Variants in UVRAG observed in about 807,000 individuals in gnomAD.
UVRAG encodes UV radiation resistance associated, also known as UV radiation resistance-associated gene protein.
Under a neutral mutation model 78.0 loss-of-function variants are expected in UVRAG, and 19 were observed. That is an observed-to-expected ratio of 0.24 (90% CI 0.17 to 0.36). The LOEUF is 0.36. Among genes scored for constraint, UVRAG ranks in the 10% least tolerant of loss-of-function variants. The pLI is 1.00. For synonymous variants in UVRAG, 323 were observed against 324.6 expected, an observed-to-expected ratio of 1.00 and a Z score of 0.05; for missense variants, 740 against 853.8, an observed-to-expected ratio of 0.87 and a Z score of 1.66.
At chr11:75,871,761 T>C (rs1240169751) in intron 3 of UVRAG, among the ~76,000 whole-genome samples, 1 of 152,250 alleles carries the variant, frequency 6.6e-6, no homozygotes, top group African/African-American at 2.4e-5. Context: ...TTAGTAGATA[T>C]TGCCAAATAA....
At chr11:75,905,673 GACAC>G (rs111491597) in intron 5 of UVRAG, among the ~76,000 whole-genome samples, 1 of 151,770 alleles carries the variant, frequency 6.6e-6, no homozygotes, top group African/African-American at 2.4e-5. Context: ...CACACACAGA[GACAC>G]ACACACACAC....
intron 13 of UVRAG, among the ~76,000 whole-genome samples, chr11:76,092,245 C>A (rs535128420): frequency 1.2e-4 from 19 of 152,282 alleles, no homozygotes; most frequent in African/African-American, 4.3e-4. Context: ...CATTGATGGA[C>A]ATTTGGGTTG....
At chr11:76,120,125 G>T (rs571666977) in intron 14 of UVRAG, among the ~76,000 whole-genome samples, 1 of 152,164 alleles carries the variant, frequency 6.6e-6, no homozygotes, top group African/African-American at 2.4e-5. Flanking sequence ...AAGAAAAGCC[G>T]CTTTATGAAC....
At chr11:75,873,438 G>A (rs1460713719) in intron 3 of UVRAG, among the ~76,000 whole-genome samples, 1 of 151,876 alleles carries the variant, frequency 6.6e-6, no homozygotes, top group Non-Finnish European at 1.5e-5. Flanking sequence ...CCCCATCCTC[G>A]CAGTCGGTGG....
chr11:76,106,090 C>T (rs904191395), intron 13 of UVRAG, among the ~76,000 whole-genome samples: 1 of 152,054 alleles, frequency 6.6e-6, no homozygotes, highest in African/African-American at 2.4e-5. Context: ...GAGAAACAAC[C>T]CAGATGTCCC....
chr11:76,026,959 A>G (rs1479297931), intron 12 of UVRAG, among the ~76,000 whole-genome samples: 1 of 152,182 alleles, frequency 6.6e-6, no homozygotes, highest in South Asian at 2.1e-4. Flanking sequence ...ACCATGGAAC[A>G]GAAATCAAGG....
chr11:76,110,211 C>CATATATAT lies in UVRAG; in HGVS notation c.1306-5700_1306-5693dup, dbSNP rs10526191. On this transcript the variant is annotated intron_variant, in intron 13 of 14. Coordinates refer to ENST00000356136, the MANE Select transcript of UVRAG (RefSeq NM_003369.4). ...GTGGAGAATATATATATATCTGGTACATATATATATATATATATATGTATT... is the reference window on the plus strand; with the variant it reads ...GTGGAGAATATATATATATCTGGTACATATATATATATATATATATATATATATGTATT... Among the ~76,000 whole-genome samples the CATATATAT allele has an allele frequency of 4.4e-3, 602 of 136,660 alleles. 10 individuals are homozygous for CATATATAT. Among genetic ancestry groups the CATATATAT allele is most frequent in the African/African-American group, 0.016 (541 of 33,698 alleles). 89.7% of individuals were successfully genotyped at this position (136,660 alleles called of 152,430 possible).
intron 6 of UVRAG, among the ~76,000 whole-genome samples, chr11:75,955,949 C>T (rs1948788524): frequency 6.6e-6 from 1 of 152,144 alleles, no homozygotes; most frequent in South Asian, 2.1e-4. Flanking sequence ...CCCTCTTCTC[C>T]CTATGTTAGT....
At chr11:75,989,413 A>G (rs1228553969) in intron 8 of UVRAG, among the ~76,000 whole-genome samples, 1 of 152,082 alleles carries the variant, frequency 6.6e-6, no homozygotes, top group East Asian at 1.9e-4. Context: ...CTCCCCATGT[A>G]GTGATTTGGA....
chr11:75,961,276 G>A (rs1348197243), intron 6 of UVRAG, among the ~76,000 whole-genome samples, 168 bp from the exon 7 acceptor site: 1 of 151,842 alleles, frequency 6.6e-6, no homozygotes, highest in African/African-American at 2.4e-5. Flanking sequence ...TACTGTTATA[G>A]GATTTATTGT....
chr11:75,996,916 G>A (rs1196496086), intron 8 of UVRAG, among the ~76,000 whole-genome samples: 2 of 152,020 alleles, frequency 1.3e-5, no homozygotes, highest in Admixed American at 1.3e-4. Context: ...ATTGTGTAGA[G>A]GTATGACAGA....
chr11:75,920,385 A>G (rs1947954315), intron 6 of UVRAG, among the ~76,000 whole-genome samples: 1 of 152,120 alleles, frequency 6.6e-6, no homozygotes, highest in Non-Finnish European at 1.5e-5. Flanking sequence ...GCAGCAGCAC[A>G]TTTTATTCTT....
intron 12 of UVRAG, among the ~76,000 whole-genome samples, chr11:76,038,713 T>C (rs957528484): frequency 6.6e-6 from 1 of 152,070 alleles, no homozygotes; most frequent in Non-Finnish European, 1.5e-5. Context: ...AGTGAACCCT[T>C]GAGAGCCAAG....
intron 9 of UVRAG, among the ~76,000 whole-genome samples, chr11:76,004,392 C>T (rs994009867): frequency 6.6e-6 from 1 of 151,920 alleles, no homozygotes; most frequent in Non-Finnish European, 1.5e-5. Context: ...CTTCTACATG[C>T]GGTTTAGCTT....
intron 6 of UVRAG, among the ~76,000 whole-genome samples, chr11:75,959,251 TC>T (rs376059175): frequency 2.7e-4 from 41 of 152,354 alleles, no homozygotes; most frequent in African/African-American, 8.9e-4. Context: ...GCTATGAAAG[TC>T]CTAGGTGGCA....
chr11:76,132,910 G>A (rs1218752904), intron 14 of UVRAG, among the ~76,000 whole-genome samples: 1 of 152,182 alleles, frequency 6.6e-6, no homozygotes, highest in Non-Finnish European at 1.5e-5. Flanking sequence ...TAGGGACTGG[G>A]AGAGAGAAGG....
chr11:76,119,872 T>C (rs1301733970), intron 14 of UVRAG, among the ~76,000 whole-genome samples: 1 of 152,220 alleles, frequency 6.6e-6, no homozygotes, highest in Non-Finnish European at 1.5e-5. Context: ...ACTCTTCAGC[T>C]TCAGTGGCAA....
chr11:75,914,208 C>T (rs1189419141), intron 6 of UVRAG: 2 of 152,238 alleles, frequency 1.3e-5, no homozygotes, highest in African/African-American at 2.4e-5. Flanking sequence ...AAATGATCCT[C>T]TTTTCCCATA....
At chr11:76,033,378 C>CA in intron 12 of UVRAG, among the ~76,000 whole-genome samples, 1 of 152,096 alleles carries the variant, frequency 6.6e-6, no homozygotes, top group East Asian at 1.9e-4. Context: ...ACCTAGTAGT[C>CA]ACGATATTAA....
Sources: allele counts gnomAD v4.1 joint callset (sites outside exome capture counted in the v4.1 genomes callset), GRCh38; gene constraint gnomAD v4.1.1; transcripts MANE v1.5; gene names NCBI Gene and HGNC (gene_info 2026-07-23, HGNC 2026-07-21).